COLQ: variants seen among roughly 807,000 people sequenced by gnomAD.
COLQ encodes the protein collagen like tail subunit of asymmetric acetylcholinesterase, also known as acetylcholinesterase collagenic tail peptide.
In COLQ, 48 loss-of-function variants were observed where a neutral mutation model predicts 69.0. The ratio of observed to expected loss-of-function variants is 0.70; its 90% CI spans 0.55 to 0.88. COLQ has a LOEUF of 0.88. Ranked by LOEUF, COLQ falls within the 40% of genes least tolerant of loss-of-function variation. The pLI is 0.00. For synonymous variants in COLQ, 217 were observed against 211.2 expected (o/e 1.03, Z -0.24); for missense variants, 618 against 594.6 (o/e 1.04, Z -0.41).
chr3:15,469,241 G>A (rs779778071), intron 11 of COLQ, among the ~76,000 whole-genome samples: 1 of 152,134 alleles, frequency 6.6e-6, no homozygotes, highest in African/African-American at 2.4e-5. Flanking sequence ...GCAGGCTCAA[G>A]AAATGGCCTT....
At chr3:15,509,525 C>T (rs2062955404) in intron 1 of COLQ, among the ~76,000 whole-genome samples, 1 of 152,232 alleles carries the variant, frequency 6.6e-6, no homozygotes, top group South Asian at 2.1e-4. Flanking sequence ...GACCTTTCTA[C>T]TGAGAACTCA....
chr3:15,486,310 G>A (rs2062573603), intron 3 of COLQ, among the ~76,000 whole-genome samples: 1 of 152,208 alleles, frequency 6.6e-6, no homozygotes, highest in East Asian at 1.9e-4. Flanking sequence ...CTGATAGAAT[G>A]AATTTGTCAG....
chr3:15,518,500 C>T (rs544304878), intron 1 of COLQ, among the ~76,000 whole-genome samples: 3 of 152,304 alleles, frequency 2.0e-5, no homozygotes, highest in South Asian at 4.1e-4. Context: ...TGTGCTTTAG[C>T]GATGGCATTT....
chr3:15,490,946 C>T (rs182478205), intron 1 of COLQ, among the ~76,000 whole-genome samples: 22 of 152,204 alleles, frequency 1.4e-4, no homozygotes, highest in Admixed American at 1.0e-3. Flanking sequence ...GTTTCAGGTT[C>T]TGACTCCAAG....
At chr3:15,464,843 G>A (rs551605866) in intron 12 of COLQ, among the ~76,000 whole-genome samples, 1 of 152,298 alleles carries the variant, frequency 6.6e-6, no homozygotes, top group Admixed American at 6.5e-5. Context: ...ACAAGGGAAC[G>A]AAATAAAGGG....
Position 15,488,286 on chromosome 3 carries a change from T to A in COLQ, c.241A>T (p.Asn81Tyr). 1 of 1,613,580 alleles carries A rather than the reference T, an allele frequency of 6.2e-7. No homozygotes were observed. The highest frequency in any genetic ancestry group is 8.5e-7 in the Non-Finnish European group (1 of 1,179,968). The part of the protein sequence containing the change: ...RSPLLSPDMK[N>Y]LMLELETSQS... ...GAGGTCTCCAGTTCCAGCATGAGAT[T>A]CTTCATGTCTGGGGAGAGAAGCTTC... Residue 81 changes from asparagine to tyrosine, a missense_variant, in exon 3 of 17, where the codon AAT (asparagine) becomes TAT (tyrosine). Asn to Tyr is a moderately radical substitution (Grantham distance 143). Transcript: ENST00000383788.
chr3:15,487,009 A>G (rs1048070424), intron 3 of COLQ, among the ~76,000 whole-genome samples: 1 of 152,230 alleles, frequency 6.6e-6, no homozygotes, highest in Non-Finnish European at 1.5e-5. Context: ...TTTGATCCAC[A>G]GATATAGTTT....
chr3:15,460,373 A>G (rs1164864400), intron 12 of COLQ, among the ~76,000 whole-genome samples: 2 of 152,210 alleles, frequency 1.3e-5, no homozygotes, highest in African/African-American at 4.8e-5. Flanking sequence ...GGAAGTGAGG[A>G]AAGAGAAAAA....
intron 6 of COLQ, among the ~76,000 whole-genome samples, chr3:15,476,216 T>A (rs2125118174): frequency 6.6e-6 from 1 of 152,384 alleles, no homozygotes; most frequent in Admixed American, 6.5e-5. Flanking sequence ...AAATATTTAA[T>A]CTGTACTTAG....
At chr3:15,491,853 A>G (rs536425057) in intron 1 of COLQ, among the ~76,000 whole-genome samples, 64 of 152,076 alleles carry the variant, frequency 4.2e-4, no homozygotes, top group Admixed American at 2.7e-3. Context: ...AGGTCAAGAG[A>G]TCGAGACCAT....
chr3:15,479,577 C>T (rs1020646067), intron 3 of COLQ, among the ~76,000 whole-genome samples, 195 bp from the exon 4 acceptor site: 13 of 152,132 alleles, frequency 8.5e-5, no homozygotes, highest in African/African-American at 2.9e-4. Context: ...TTAGCTTTCT[C>T]TGAGCTGGTT....
chr3:15,480,581 T>C (rs1269794677), intron 3 of COLQ, among the ~76,000 whole-genome samples: 1 of 152,176 alleles, frequency 6.6e-6, no homozygotes, highest in African/African-American at 2.4e-5. Context: ...CAGTCTATCA[T>C]TGATGGACAT....
chr3:15,497,036 C>CTTTTTTTTTTTTTT (rs371974104), intron 1 of COLQ, among the ~76,000 whole-genome samples: 1 of 107,530 alleles, frequency 9.3e-6, no homozygotes, highest in African/African-American at 3.7e-5. Flanking sequence ...GTCCTTTTGC[C>CTTTTTTTTTTTTTT]TTTTTTTTTT....
rs13074638 is a variant in COLQ, at chr3:15,477,382, T to C, written c.394-185A>G. On this transcript the variant is annotated intron_variant, in intron 5 of 16. Coordinates refer to ENST00000383788, the MANE Select transcript of COLQ (RefSeq NM_005677.4). ...CTTGGTGTCACACTGTATCATCAAA[T>C]AAGACCTTATTCTTCTCAAGAAATG... 0.41 allele frequency: 250,032 copies of C among 607,554 alleles called. 52,742 individuals carry two copies. Among genetic ancestry groups the C allele is most frequent in the African/African-American group, 0.53 (28,729 of 53,898 alleles). 37.6% of individuals were successfully genotyped at this position (607,554 alleles called of 1,614,324 possible).
At chr3:15,482,586 T>C (rs553942302) in intron 3 of COLQ, among the ~76,000 whole-genome samples, 1 of 152,372 alleles carries the variant, frequency 6.6e-6, no homozygotes, top group Non-Finnish European at 1.5e-5. Flanking sequence ...GATAAGCTTT[T>C]TGATGTGCTG....
intron 12 of COLQ, among the ~76,000 whole-genome samples, 184 bp downstream of exon 12, chr3:15,466,157 C>G (rs1198334388): frequency 6.6e-6 from 1 of 152,256 alleles, no homozygotes; most frequent in East Asian, 1.9e-4. Flanking sequence ...TTCAGAATGG[C>G]ATTTATCTCT....
Position 15,451,657 on chromosome 3 carries a change from C to T in COLQ, c.1355G>A (p.Arg452His), listed in dbSNP as rs754915644. 1.1e-4 allele frequency: 170 copies of T among 1,614,038 alleles called. No individual in the cohort carries two copies. Among genetic ancestry groups the T allele is most frequent in the Non-Finnish European group, 1.3e-4 (150 of 1,180,016 alleles). Residue 452 changes from arginine (R) to histidine (H), a missense_variant, in exon 17 of 17, where the codon CGC (arginine) becomes CAC (histidine). By Grantham distance (29) the Arg-to-His change is conservative. Coordinates refer to ENST00000383788, the MANE Select transcript of COLQ (RefSeq NM_005677.4). ...QYCYIDSTPC[R>H]YFT is the part of the protein sequence containing the mutation. ...TCCTCACGGCCCTCAGGTGAAGTAG[C>T]GGCAGGGCGTGGAGTCGATGTAGCA...
chr3:15,465,184 T>C (rs536689882), intron 12 of COLQ, among the ~76,000 whole-genome samples: 4 of 148,954 alleles, frequency 2.7e-5, no homozygotes, highest in Admixed American at 1.3e-4. Context: ...GAAAACAACA[T>C]ACAAGGAAGC....
At chr3:15,479,611 T>C (rs2062441791) in intron 3 of COLQ, among the ~76,000 whole-genome samples, 1 of 152,218 alleles carries the variant, frequency 6.6e-6, no homozygotes, top group Non-Finnish European at 1.5e-5. Flanking sequence ...ATGGTTGCAA[T>C]GCTTACATAT....
Sources: gnomAD v4.1 joint callset for allele counts (sites outside exome capture counted in the v4.1 genomes callset) on GRCh38, gnomAD v4.1.1 for gene constraint, MANE v1.5 for transcripts, NCBI Gene and HGNC (gene_info 2026-07-23, HGNC 2026-07-21) for gene names.